The following ZFPM2 variants were observed in gnomAD, a reference collection of about 807,000 sequenced individuals.
ZFPM2 encodes the protein zinc finger protein ZFPM2.
Under a neutral mutation model 98.6 loss-of-function variants are expected in ZFPM2, and 20 were observed. The observed-to-expected ratio is 0.20, with a 90% CI of 0.14 to 0.29. The LOEUF is 0.29. Among genes scored for constraint, ZFPM2 ranks in the 10% least tolerant of loss-of-function variants. ZFPM2 has a pLI of 1.00. For missense variants in ZFPM2, 1,310 were observed against 1,388.6 expected (o/e 0.94, Z 0.90); for synonymous variants, 518 against 502.7 (o/e 1.03, Z -0.41).
rs757087879 is a variant in ZFPM2 at position 105,639,071 on chromosome 8, A to G, written c.532+4714A>G. ...TTACTTATCTCTATGGATAAATACTAAAAAGCATAATGCTGAAGTTAAAAG... is the reference window on the plus strand; with the variant it reads ...TTACTTATCTCTATGGATAAATACTGAAAAGCATAATGCTGAAGTTAAAAG... On this transcript the variant is annotated intron_variant, in intron 5 of 7. Coordinates refer to ENST00000407775, the MANE Select transcript of ZFPM2 (RefSeq NM_012082.4). Among the ~76,000 whole-genome samples the G allele has an allele frequency of 2.0e-5, 3 of 152,066 alleles. No homozygotes were observed. In the South Asian group the frequency reaches 6.2e-4, roughly 31 times the overall value.
intron 5 of ZFPM2, among the ~76,000 whole-genome samples, chr8:105,698,895 A>G (rs942188260): frequency 6.6e-6 from 1 of 152,160 alleles, no homozygotes; most frequent in Non-Finnish European, 1.5e-5. Context: ...CAATTCCCAT[A>G]CAATCAAAAT....
intron 3 of ZFPM2, among the ~76,000 whole-genome samples, chr8:105,445,392 T>C (rs1385817618): frequency 6.6e-6 from 1 of 152,182 alleles, no homozygotes; most frequent in Non-Finnish European, 1.5e-5. Flanking sequence ...CAAAAATGTA[T>C]TATATTTAAA....
At chr8:105,424,195 T>C (rs1240153965) in intron 2 of ZFPM2, among the ~76,000 whole-genome samples, 6 of 152,200 alleles carry the variant, frequency 3.9e-5, no homozygotes, top group East Asian at 3.8e-4. Context: ...GTAAGTCAAC[T>C]TTGAATTATC....
chr8:105,790,807 C>T (rs1044442427), intron 6 of ZFPM2, among the ~76,000 whole-genome samples: 77 of 152,294 alleles, frequency 5.1e-4, no homozygotes, highest in African/African-American at 1.7e-3. Flanking sequence ...AGAGGTCCTT[C>T]ACATCCCTTG....
At chr8:105,545,580 T>G (rs1159246708) in intron 3 of ZFPM2, among the ~76,000 whole-genome samples, 1 of 152,206 alleles carries the variant, frequency 6.6e-6, no homozygotes, top group Admixed American at 6.5e-5. Context: ...TAAAGATGCT[T>G]TTGCTTCCAT....
chr8:105,671,482 A>G (rs10101773), intron 5 of ZFPM2, among the ~76,000 whole-genome samples: 39,799 of 151,618 alleles, frequency 0.26, 6,278 homozygotes, highest in African/African-American at 0.45. Flanking sequence ...TCTGTACATT[A>G]TCAGAGGAAA....
intron 3 of ZFPM2, among the ~76,000 whole-genome samples, chr8:105,496,908 G>A (rs1027113256): frequency 1.4e-5 from 2 of 147,116 alleles, no homozygotes; most frequent in Admixed American, 1.4e-4. Flanking sequence ...CTTGAATCCG[G>A]GAGTCAGAGG....
At chr8:105,386,914 G>C (rs1318288343) in intron 1 of ZFPM2, among the ~76,000 whole-genome samples, 3 of 152,072 alleles carry the variant, frequency 2.0e-5, no homozygotes, top group Non-Finnish European at 4.4e-5. Context: ...AGTTCTCCAC[G>C]TCCCCACCAG....
chr8:105,740,243 C>T (rs576699349), intron 5 of ZFPM2, among the ~76,000 whole-genome samples: 1 of 152,028 alleles, frequency 6.6e-6, no homozygotes, highest in Admixed American at 6.6e-5. Context: ...TCTCTTCCTT[C>T]TCTCCTACAG....
chr8:105,443,213 G>T (rs1323686804), intron 2 of ZFPM2, among the ~76,000 whole-genome samples: 1 of 151,098 alleles, frequency 6.6e-6, no homozygotes, highest in Non-Finnish European at 1.5e-5. Context: ...GGAGGCTGAG[G>T]CAGGAGAATC....
intron 1 of ZFPM2, among the ~76,000 whole-genome samples, chr8:105,403,639 A>G (rs1811382673): frequency 6.6e-6 from 1 of 151,910 alleles, no homozygotes; most frequent in African/African-American, 2.4e-5. Context: ...TCCTCCAGCT[A>G]GAACTCCCAA....
intron 1 of ZFPM2, among the ~76,000 whole-genome samples, chr8:105,344,218 A>G (rs1266806980): frequency 1.3e-5 from 2 of 152,124 alleles, no homozygotes; most frequent in African/African-American, 4.8e-5. Flanking sequence ...TTGGGTGGGG[A>G]CACAGCCAAA....
intron 5 of ZFPM2, among the ~76,000 whole-genome samples, chr8:105,778,416 A>G (rs1344337150): frequency 6.6e-6 from 1 of 152,094 alleles, no homozygotes; most frequent in African/African-American, 2.4e-5. Context: ...TGACCAAACA[A>G]GTAAGTATTC....
intron 5 of ZFPM2, among the ~76,000 whole-genome samples, chr8:105,667,284 A>G (rs1817507220): frequency 6.6e-6 from 1 of 152,184 alleles, no homozygotes; most frequent in African/African-American, 2.4e-5. Context: ...TTATCTGAAG[A>G]GATTAGTGGT....
chr8:105,672,989 A>G (rs1817623027), intron 5 of ZFPM2, among the ~76,000 whole-genome samples: 1 of 152,154 alleles, frequency 6.6e-6, no homozygotes, highest in African/African-American at 2.4e-5. Context: ...CACAGGGGGA[A>G]ATTGCTGAAA....
intron 3 of ZFPM2, among the ~76,000 whole-genome samples, chr8:105,541,858 A>C (rs1563709054): frequency 6.6e-6 from 1 of 152,194 alleles, no homozygotes; most frequent in Non-Finnish European, 1.5e-5. Context: ...AAAGGAACAG[A>C]TGAGAAAATG....
chr8:105,603,687 A>T (rs566881020), intron 4 of ZFPM2, among the ~76,000 whole-genome samples: 4 of 152,224 alleles, frequency 2.6e-5, no homozygotes, highest in African/African-American at 9.6e-5. Flanking sequence ...TGTAGTACTC[A>T]TTAGCTGTGT....
chr8:105,422,510 A>C (rs1436512843), intron 2 of ZFPM2, among the ~76,000 whole-genome samples: 1 of 152,146 alleles, frequency 6.6e-6, no homozygotes, highest in African/African-American at 2.4e-5. Context: ...CATAGTTTAA[A>C]TCATTTATGA....
chr8:105,722,363 C>T (rs1811688013), intron 5 of ZFPM2, among the ~76,000 whole-genome samples: 1 of 151,774 alleles, frequency 6.6e-6, no homozygotes, highest in Non-Finnish European at 1.5e-5. Flanking sequence ...ATTCCAATTT[C>T]TTCCTTGGTT....
Sources: allele counts gnomAD v4.1 joint callset (sites outside exome capture counted in the v4.1 genomes callset), GRCh38; gene constraint gnomAD v4.1.1; transcripts MANE v1.5; gene names NCBI Gene and HGNC (gene_info 2026-07-23, HGNC 2026-07-21).